The following GALNTL6 variants were observed in gnomAD, a reference collection of about 807,000 sequenced individuals.
GALNTL6 encodes the protein polypeptide N-acetylgalactosaminyltransferase like 6, also known as polypeptide N-acetylgalactosaminyltransferase-like 6.
Under a neutral mutation model 73.7 loss-of-function variants are expected in GALNTL6, and 46 were observed. The ratio of observed to expected loss-of-function variants is 0.62; its 90% CI spans 0.49 to 0.80. GALNTL6 has a LOEUF of 0.80. Among genes scored for constraint, GALNTL6 ranks in the 30% least tolerant of loss-of-function variants. The pLI is 0.00. For missense variants in GALNTL6, 604 were observed against 755.0 expected (o/e 0.80, Z 2.34); for synonymous variants, 259 against 263.7 (o/e 0.98, Z 0.17).
chr4:172,297,490 T>C (rs1444662274), intron 3 of GALNTL6, among the ~76,000 whole-genome samples: 1 of 152,196 alleles, frequency 6.6e-6, no homozygotes, highest in African/African-American at 2.4e-5. Context: ...TGGTTTTAGG[T>C]CTAACATATA....
In GALNTL6 at chr4:172,318,960, G is replaced by A. The variant is rs145878911; in HGVS notation, c.386+7208G>A. ...GTTTGAGCAATAGATTCATAATTTT[G>A]ACCTTTAAAGAAAAAAATCTGAAAA... On this transcript the variant is annotated intron_variant, in intron 4 of 12. Coordinates refer to ENST00000506823, the MANE Select transcript of GALNTL6 (RefSeq NM_001034845.3). Among the ~76,000 whole-genome samples the A allele has an allele frequency of 3.0e-3, 453 of 152,100 alleles. 3 individuals are homozygous for A. Among genetic ancestry groups the A allele is most frequent in the South Asian group, 0.016 (76 of 4,816 alleles).
intron 3 of GALNTL6, among the ~76,000 whole-genome samples, chr4:172,290,511 G>T (rs1208303444): frequency 6.6e-6 from 1 of 152,014 alleles, no homozygotes; most frequent in African/African-American, 2.4e-5. Context: ...TGATCTTATA[G>T]CTTAGCTCCT....
At position 172,289,299 on chromosome 4, in the gene GALNTL6, A is replaced by G. The variant is rs149450006; in HGVS notation, c.248-22315A>G. 5.2e-3 allele frequency among the ~76,000 whole-genome samples: 786 copies of G among 152,174 alleles called. 6 individuals carry two copies. The highest frequency in any genetic ancestry group is 0.018 in the African/African-American group (728 of 41,522). On this transcript the variant is annotated intron_variant, in intron 3 of 12. Coordinates refer to ENST00000506823, the MANE Select transcript of GALNTL6 (RefSeq NM_001034845.3). ...TCATTATGCAGTTGTATTATGATCA[A>G]CTCCTCATCATTGTTTAATTGTGTC...
chr4:172,884,283 A>T (rs1038662155), intron 8 of GALNTL6, among the ~76,000 whole-genome samples: 1 of 152,136 alleles, frequency 6.6e-6, no homozygotes, highest in African/African-American at 2.4e-5. Flanking sequence ...CAGGATTTTT[A>T]AATTTTTTGT....
chr4:172,698,234 G>A (rs931312762), intron 5 of GALNTL6, among the ~76,000 whole-genome samples: 11 of 152,042 alleles, frequency 7.2e-5, no homozygotes, highest in Admixed American at 2.6e-4. Context: ...ATGATCTCGT[G>A]TCTTTCTGAG....
At chr4:172,282,907 G>A (rs1739114932) in intron 3 of GALNTL6, among the ~76,000 whole-genome samples, 1 of 152,140 alleles carries the variant, frequency 6.6e-6, no homozygotes, top group Non-Finnish European at 1.5e-5. Flanking sequence ...TTTGGTGCAT[G>A]ATACGGTTTA....
At chr4:172,262,536 T>G (rs1306577114) in intron 3 of GALNTL6, among the ~76,000 whole-genome samples, 1 of 151,646 alleles carries the variant, frequency 6.6e-6, no homozygotes, top group East Asian at 1.9e-4. Context: ...GTAAGTTTCT[T>G]GAAGACAGCA....
chr4:172,560,055 A>C (rs564560624), intron 5 of GALNTL6, among the ~76,000 whole-genome samples: 65 of 152,324 alleles, frequency 4.3e-4, no homozygotes, highest in African/African-American at 1.5e-3. Flanking sequence ...ATATGAGCAA[A>C]ATTTTGTGTT....
At chr4:173,039,893 G>A (rs376434900) in intron 12 of GALNTL6, 40 bp from the exon 13 acceptor site, 293 of 1,514,248 alleles carry the variant, frequency 1.9e-4, no homozygotes, top group Non-Finnish European at 2.2e-4. Flanking sequence ...CATTCACCAC[G>A]TATTACAACA....
intron 5 of GALNTL6, among the ~76,000 whole-genome samples, chr4:172,488,410 A>G (rs932515622): frequency 1.3e-5 from 2 of 152,204 alleles, no homozygotes; most frequent in African/African-American, 4.8e-5. Context: ...AGATAACTAG[A>G]GGATGAATTC....
At chr4:172,697,084 A>T (rs1386152754) in intron 5 of GALNTL6, among the ~76,000 whole-genome samples, 1 of 152,236 alleles carries the variant, frequency 6.6e-6, no homozygotes, top group Non-Finnish European at 1.5e-5. Context: ...AATCAACAGA[A>T]ATGTGGCTCT....
At chr4:172,550,458 G>A (rs1282294354) in intron 5 of GALNTL6, among the ~76,000 whole-genome samples, 1 of 152,186 alleles carries the variant, frequency 6.6e-6, no homozygotes, top group African/African-American at 2.4e-5. Flanking sequence ...TTACTCTTCT[G>A]TGAAGGTTCA....
chr4:173,013,554 C>T (rs1208544278), intron 11 of GALNTL6, among the ~76,000 whole-genome samples: 5 of 151,776 alleles, frequency 3.3e-5, no homozygotes, highest in South Asian at 2.1e-4. Context: ...CCGCACCCCC[C>T]ACGTCCCCCA....
At chr4:172,792,670 G>GCT (rs1740060705) in intron 5 of GALNTL6, among the ~76,000 whole-genome samples, 2 of 73,518 alleles carry the variant, frequency 2.7e-5, no homozygotes, top group African/African-American at 1.2e-4. Context: ...GCATAGTTTA[G>GCT]CTTTTTTTTT....
intron 5 of GALNTL6, among the ~76,000 whole-genome samples, chr4:172,497,536 ACAGTGTGTGACT>A (rs1734106416): frequency 6.6e-6 from 1 of 152,236 alleles, no homozygotes; most frequent in Admixed American, 6.5e-5. Flanking sequence ...TGATTCATCC[ACAGTGTGTGACT>A]TGAAGCATCA....
intron 5 of GALNTL6, among the ~76,000 whole-genome samples, chr4:172,720,809 A>T (rs368160931): frequency 1.3e-5 from 2 of 152,212 alleles, no homozygotes. Context: ...TTAAAATATT[A>T]CCTCCACTTA....
intron 5 of GALNTL6, among the ~76,000 whole-genome samples, chr4:172,617,069 A>G (rs1350478872): frequency 6.6e-6 from 1 of 151,956 alleles, no homozygotes; most frequent in South Asian, 2.1e-4. Context: ...TGGTAATCCT[A>G]CAGCCAAAAA....
At chr4:172,245,748 C>T (rs1242706960) in intron 3 of GALNTL6, among the ~76,000 whole-genome samples, 1 of 152,106 alleles carries the variant, frequency 6.6e-6, no homozygotes, top group African/African-American at 2.4e-5. Flanking sequence ...CTTCTTGGCT[C>T]CATTACCTAA....
chr4:172,796,607 T>A (rs964620923), intron 5 of GALNTL6, among the ~76,000 whole-genome samples: 1 of 152,216 alleles, frequency 6.6e-6, no homozygotes, highest in Non-Finnish European at 1.5e-5. Flanking sequence ...TTTATAGATT[T>A]TAAACCAAGA....
Sources: gnomAD v4.1 joint callset for allele counts (sites outside exome capture counted in the v4.1 genomes callset) on GRCh38, gnomAD v4.1.1 for gene constraint, MANE v1.5 for transcripts, NCBI Gene and HGNC (gene_info 2026-07-23, HGNC 2026-07-21) for gene names.